Variants in POLI observed in about 807,000 individuals in gnomAD.
POLI encodes the protein DNA polymerase iota.
A neutral mutation model predicts 51.6 loss-of-function variants in POLI; 58 were observed. The ratio of observed to expected loss-of-function variants is 1.12; its 90% CI spans 0.91 to 1.40. The LOEUF is 1.40. Ranked by LOEUF, POLI falls within the 40% of genes most tolerant of loss-of-function variation. The probability of loss-of-function intolerance (pLI) is 0.00; values close to 1 mark genes in which losing one functional copy is unlikely to be tolerated. For synonymous variants in POLI, 322 were observed against 299.7 expected (o/e 1.07, Z -0.77); for missense variants, 921 against 871.3 (o/e 1.06, Z -0.72).
intron 2 of POLI, 24 bp downstream of exon 2, chr18:54,271,509 T>A: frequency 1.4e-6 from 2 of 1,460,286 alleles, no homozygotes. Context: ...TATAATATTT[T>A]TAATTGCATA....
intron 3 of POLI, among the ~76,000 whole-genome samples, chr18:54,306,578 G>T (rs549584640): frequency 5.7e-4 from 87 of 152,304 alleles, no homozygotes; most frequent in African/African-American, 2.0e-3. Flanking sequence ...TCAGGATGAT[G>T]CTGGCCCCCT....
rs1397898737 is a variant in POLI, at chr18:54,287,294, G to T, written c.1081G>T (p.Gly361Ter). ...ASLLNRVCQD[G>*]RKPHTVRLII... ...CTTTATTTTTAGAGTATGCCAAGATGGAAGGAAGCCTCATACAGTGAGATT... is the reference window on the plus strand; with the variant it reads ...CTTTATTTTTAGAGTATGCCAAGATTGAAGGAAGCCTCATACAGTGAGATT... Residue 361 changes from glycine to a stop codon, truncating the protein, a stop_gained, in exon 8 of 10, where the codon GGA becomes TGA. Transcript: ENST00000579534. LOFTEE classifies it high-confidence loss of function. 1.0e-5 allele frequency: 16 copies of T among 1,574,044 alleles called. No homozygotes were observed. The East Asian group carries it at 3.7e-4, about 36-fold the overall frequency.
In POLI at chr18:54,297,895, A is replaced by G; in HGVS notation, c.*3428A>G. ...GCTTACCTTTTTTCTTGTGTGTCAG[A>G]TGTTCCTTCTAGGTAGAATTCTTTA... is the stretch of plus-strand genomic sequence containing the variant. On this transcript the variant is annotated 3_prime_UTR_variant, in exon 10 of 10. Coordinates refer to ENST00000579534, the MANE Select transcript of POLI (RefSeq NM_007195.3). 1.0e-6 allele frequency: 1 copy of G among 982,656 alleles called. No individual in the cohort carries two copies. The allele number at this position is 982,656 out of a possible 1,614,324, so 60.9% of individuals were successfully genotyped here.
chr18:54,271,989 A>G (rs574310671), intron 2 of POLI, among the ~76,000 whole-genome samples: 92 of 152,348 alleles, frequency 6.0e-4, no homozygotes, highest in African/African-American at 2.1e-3. Context: ...AAAAGCCAAA[A>G]TAAATTTTAT....
intron 8 of POLI, among the ~76,000 whole-genome samples, chr18:54,289,517 C>T (rs2087898221): frequency 6.6e-6 from 1 of 151,986 alleles, no homozygotes; most frequent in Non-Finnish European, 1.5e-5. Flanking sequence ...CCCCTATAGC[C>T]AAGACAATCC....
chr18:54,276,961 G>A (rs1419779360), intron 3 of POLI, among the ~76,000 whole-genome samples: 1 of 152,126 alleles, frequency 6.6e-6, no homozygotes, highest in African/African-American at 2.4e-5. Context: ...GTGATTCAGA[G>A]GGAAGTGAAA....
At chr18:54,301,390 A>G (rs73487926), downstream of POLI, among the ~76,000 whole-genome samples, 2 of 152,220 alleles carry the variant, frequency 1.3e-5, no homozygotes, top group African/African-American at 4.8e-5. Flanking sequence ...ACATTTATAC[A>G]AAAGTCCACA....
Position 54,295,658 on chromosome 18 carries a change from C to G in POLI, c.*1191C>G. The stretch of plus-strand genomic sequence containing the variant: ...TTTTTTTGTTTTGGAGACAGAGTCT[C>G]ACTCTGTCGCCCAGGGTGGAGTACA... On this transcript the variant is annotated 3_prime_UTR_variant, in exon 10 of 10. Coordinates refer to ENST00000579534, the MANE Select transcript of POLI (RefSeq NM_007195.3). The G allele has an allele frequency of 2.9e-5, 12 of 417,578 alleles. No individual in the cohort carries two copies. Among genetic ancestry groups the G allele is most frequent in the Non-Finnish European group, 3.5e-5 (11 of 311,626 alleles). The allele number at this position is 417,578 out of a possible 1,614,324, so 25.9% of individuals were successfully genotyped here.
At chr18:54,316,268 G>A (rs183904207) in intron 3 of POLI, among the ~76,000 whole-genome samples, 311 of 152,164 alleles carry the variant, frequency 2.0e-3, no homozygotes, top group Admixed American at 1.2e-3. Context: ...GTTAATATTG[G>A]TATGGGACAT....
chr18:54,293,682 A>G lies in POLI; in HGVS notation c.1438A>G (p.Lys480Glu), dbSNP rs1231718314. Reference protein sequence around the residue: ...MKDTHMEDFPKDKETNRDFLP... With the variant: ...MKDTHMEDFPEDKETNRDFLP... ...AGACACTCATATGGAAGATTTTCCCAAAGACAAAGAAACAAACCGGGATTT... is the reference window on the plus strand; with the variant it reads ...AGACACTCATATGGAAGATTTTCCCGAAGACAAAGAAACAAACCGGGATTT... Residue 480 changes from lysine (K) to glutamate (E), a missense_variant, in exon 10 of 10, where the codon AAA becomes GAA. Coordinates refer to ENST00000579534, the MANE Select transcript of POLI (RefSeq NM_007195.3). 2 of 1,586,384 alleles carry G rather than the reference A, an allele frequency of 1.3e-6. No individual in the cohort carries two copies. Among genetic ancestry groups the G allele is most frequent in the Admixed American group, 1.9e-5 (1 of 53,998 alleles).
intron 7 of POLI, chr18:54,284,802 A>G (rs1438166214): frequency 6.6e-6 from 1 of 152,264 alleles, no homozygotes; most frequent in Non-Finnish European, 1.5e-5. Flanking sequence ...TATGAGTAGT[A>G]CAAGATAAAC....
In POLI at chr18:54,309,398, T is replaced by C. The variant is rs191683336; in HGVS notation, c.334-10875T>C. 1.5e-3 allele frequency among the ~76,000 whole-genome samples: 233 copies of C among 152,328 alleles called. 2 individuals are homozygous for C. The highest frequency in any genetic ancestry group is 7.5e-3 in the East Asian group (39 of 5,184). On this transcript the variant is annotated intron_variant, in intron 3 of 4. Transcript: ENST00000579823. ...GGGTCCACTCCAGACCCTGTTTTCC[T>C]GGGTATCACCAGCGGAGGCTGCAGA...
chr18:54,312,004 A>G (rs1380640693), intron 3 of POLI, among the ~76,000 whole-genome samples: 1 of 152,156 alleles, frequency 6.6e-6, no homozygotes, highest in Non-Finnish European at 1.5e-5. Context: ...TGTTACAGAG[A>G]TATATTGCAT....
chr18:54,297,897 G>A lies in POLI; in HGVS notation c.*3430G>A, dbSNP rs531984224. 3 of 982,508 alleles carry A rather than the reference G, an allele frequency of 3.1e-6. No individual in the cohort carries two copies. In the African/African-American group the frequency reaches 5.2e-5, roughly 17 times the overall value. 60.9% of individuals were successfully genotyped at this position (982,508 alleles called of 1,614,324 possible). ...TTACCTTTTTTCTTGTGTGTCAGAT[G>A]TTCCTTCTAGGTAGAATTCTTTATA... On this transcript the variant is annotated 3_prime_UTR_variant, in exon 10 of 10. Coordinates refer to ENST00000579534, the MANE Select transcript of POLI (RefSeq NM_007195.3).
At chr18:54,317,643 G>T (rs2088751693) in intron 3 of POLI, among the ~76,000 whole-genome samples, 1 of 152,068 alleles carries the variant, frequency 6.6e-6, no homozygotes, top group Non-Finnish European at 1.5e-5. Context: ...CAGGAGAATT[G>T]CTTGAGGCTA....
At chr18:54,273,386 G>GTTT (rs11379197) in intron 2 of POLI, among the ~76,000 whole-genome samples, 2 of 136,470 alleles carry the variant, frequency 1.5e-5, no homozygotes, top group African/African-American at 2.6e-5. Context: ...ATTTTCATCC[G>GTTT]TTTTTTTTTT....
At chr18:54,288,633 T>C (rs2087856312) in intron 8 of POLI, among the ~76,000 whole-genome samples, 1 of 151,954 alleles carries the variant, frequency 6.6e-6, no homozygotes. Flanking sequence ...TATTTTTCTG[T>C]AGTCTTTTTT....
chr18:54,305,058 G>T (rs1295718544), intron 3 of POLI, among the ~76,000 whole-genome samples: 5 of 152,194 alleles, frequency 3.3e-5, no homozygotes, highest in Middle Eastern at 3.2e-3. Flanking sequence ...ATTTGTCAAA[G>T]ATCAGATGGT....
In POLI at chr18:54,273,218, A is replaced by G. The variant is rs577879380; in HGVS notation, c.242-708A>G. Among the ~76,000 whole-genome samples, 7 of 152,150 alleles carry G rather than the reference A, an allele frequency of 4.6e-5. No homozygotes were observed. The South Asian group carries it at 1.0e-3, about 22-fold the overall frequency. ...TTTTTGATAGAACAGTTCAATAAGT[A>G]GTACATAACTGTTAGATCCCTAAAA... On this transcript the variant is annotated intron_variant, in intron 2 of 9. Transcript: ENST00000579534.
Sources: gnomAD v4.1 joint callset for allele counts (sites outside exome capture counted in the v4.1 genomes callset) on GRCh38, gnomAD v4.1.1 for gene constraint, MANE v1.5 for transcripts, NCBI Gene and HGNC (gene_info 2026-07-23, HGNC 2026-07-21) for gene names.